The following POMGNT2 variants were observed in gnomAD, a reference collection of about 807,000 sequenced individuals.
POMGNT2 encodes protein O-linked-mannose beta-1,4-N-acetylglucosaminyltransferase 2.
POMGNT2 carries 32 observed loss-of-function variants against 37.8 expected under a neutral mutation model. That is an observed-to-expected ratio of 0.85 (90% confidence interval 0.64 to 1.14). The LOEUF is 1.14. Among genes scored for constraint, POMGNT2 ranks in the 50% most tolerant of loss-of-function variants. The probability of loss-of-function intolerance (pLI) is 0.00; values close to 1 mark genes in which losing one functional copy is unlikely to be tolerated. For missense variants in POMGNT2, 705 were observed against 780.6 expected (o/e 0.90, Z 1.15); for synonymous variants, 340 against 336.8 (o/e 1.01, Z -0.10).
In POMGNT2 at chr3:43,081,056, T is replaced by C; in HGVS notation, c.376A>G (p.Asn126Asp). 1 of 1,614,204 alleles carries C rather than the reference T, an allele frequency of 6.2e-7. No homozygotes were observed. Among genetic ancestry groups the C allele is most frequent in the Non-Finnish European group, 8.5e-7 (1 of 1,180,052 alleles). Residue 126 changes from asparagine to aspartate, a missense_variant, in exon 2 of 2, where the codon AAC (asparagine) becomes GAC (aspartate). Asn to Asp is a conservative substitution (Grantham distance 23, BLOSUM62 1). Coordinates refer to ENST00000344697, the MANE Select transcript of POMGNT2 (RefSeq NM_032806.6). ...TCCACGAAGTTGAAGTACTGAGTGT[T>C]GTGGTCCTCCACGGTGGATAGGTCG... Reference protein sequence around the residue: ...LLDLSTVEDHNTQYFNFVELP... With the variant: ...LLDLSTVEDHDTQYFNFVELP...
At chr3:43,095,555 G>A (rs2089973937) in intron 1 of POMGNT2, among the ~76,000 whole-genome samples, 1 of 152,212 alleles carries the variant, frequency 6.6e-6, no homozygotes, top group South Asian at 2.1e-4. Context: ...ACAGCTGCAT[G>A]CTTCAGTGCT....
rs913262678 is a variant in POMGNT2, at chr3:43,100,721, G to A, written c.-106+5115C>T. Among the ~76,000 whole-genome samples, 5 of 152,168 alleles carry A rather than the reference G, an allele frequency of 3.3e-5. No homozygotes were observed. The South Asian group carries it at 6.2e-4, about 19-fold the overall frequency. ...TGAAGCATGGTATCCAGTTATCACC[G>A]CTCTCTAGTCCCTTCCGATCTGGGG... is the stretch of plus-strand genomic sequence containing the variant. On this transcript the variant is annotated intron_variant, in intron 1 of 1. Coordinates refer to ENST00000344697, the MANE Select transcript of POMGNT2 (RefSeq NM_032806.6).
Position 43,096,325 on chromosome 3 carries a change from A to G in POMGNT2, c.-106+9511T>C, listed in dbSNP as rs571494886. On this transcript the variant is annotated intron_variant, in intron 1 of 1. Transcript: ENST00000344697. ...TAAATATGAACCCACTCTTACCTTG[A>G]AAAACACACTCAAAATCACCAGCCT... 1.1e-3 allele frequency among the ~76,000 whole-genome samples: 169 copies of G among 152,304 alleles called. 1 individual carries two copies. Among genetic ancestry groups the G allele is most frequent in the African/African-American group, 4.0e-3 (166 of 41,550 alleles).
chr3:43,081,069 G>C lies in POMGNT2; in HGVS notation c.363C>G (p.Thr121=), dbSNP rs200345083. 3 of 1,614,226 alleles carry C rather than the reference G, an allele frequency of 1.9e-6. No homozygotes were observed. Among genetic ancestry groups the C allele is most frequent in the Middle Eastern group, 1.6e-4 (1 of 6,062 alleles). The change falls in exon 2 of 2, where the codon ACC becomes ACG. Residue 121 remains threonine (T), a synonymous_variant. Transcript: ENST00000344697. ...AGTACTGAGTGTTGTGGTCCTCCAC[G>C]GTGGATAGGTCGAGCAGGGCTGGCT... ...RFQPALLDLS[T]VEDHNTQYFN...
Position 43,080,369 on chromosome 3 carries a change from G to A in POMGNT2, c.1063C>T (p.Leu355=), listed in dbSNP as rs1191240979. The change falls in exon 2 of 2, where the codon CTG becomes TTG. Residue 355 remains leucine, a synonymous_variant. Transcript: ENST00000344697. ...HGAQLVTTLF[L]PRGATVVELF... is the part of the protein sequence containing the mutation. Reference sequence around the variant, plus strand: ...TCTACCACAGTTGCCCCACGGGGCAGGAAGAGGGTGGTGACCAGCTGGGCC... The same window carrying A: ...TCTACCACAGTTGCCCCACGGGGCAAGAAGAGGGTGGTGACCAGCTGGGCC... The A allele has an allele frequency of 6.2e-7, 1 of 1,614,152 alleles. No homozygotes were observed. Among genetic ancestry groups the A allele is most frequent in the African/African-American group, 1.3e-5 (1 of 75,044 alleles).
intron 1 of POMGNT2, among the ~76,000 whole-genome samples, chr3:43,082,468 G>A (rs1430205667): frequency 6.6e-6 from 1 of 151,752 alleles, no homozygotes; most frequent in Non-Finnish European, 1.5e-5. Context: ...TGTGTACTGA[G>A]GCAAAAAAAA....
At chr3:43,101,436 T>C (rs535061186) in intron 1 of POMGNT2, among the ~76,000 whole-genome samples, 3 of 152,262 alleles carry the variant, frequency 2.0e-5, no homozygotes, top group East Asian at 1.9e-4. Context: ...ACAGCGGGGA[T>C]AGGGCTGGCC....
chr3:43,083,799 T>A (rs1345786436), intron 1 of POMGNT2, among the ~76,000 whole-genome samples: 1 of 152,240 alleles, frequency 6.6e-6, no homozygotes. Context: ...TTCACCCATA[T>A]TTTTACTCTT....
chr3:43,105,307 C>A (rs1049620575), intron 1 of POMGNT2, among the ~76,000 whole-genome samples: 3 of 152,196 alleles, frequency 2.0e-5, no homozygotes, highest in African/African-American at 7.2e-5. Context: ...CTCTTACCAC[C>A]GGACACACAT....
At position 43,081,411 on chromosome 3, in the gene POMGNT2, G is replaced by C. The variant is rs1575463445; in HGVS notation, c.21C>G (p.Phe7Leu). The change falls in exon 2 of 2, where the codon TTC becomes TTG. Residue 7 changes from phenylalanine (F) to leucine (L), a missense_variant. Physicochemically the swap from Phe to Leu is conservative, Grantham distance 22 (BLOSUM62 0). Coordinates refer to ENST00000344697, the MANE Select transcript of POMGNT2 (RefSeq NM_032806.6). MHLSAVFNALLVSVLAA... is the reference protein window; with the variant it reads MHLSAVLNALLVSVLAA... The stretch of plus-strand genomic sequence containing the variant: ...CCAGCACCGACACCAGGAGGGCGTT[G>C]AACACCGCCGAGAGGTGCATCCTAA... 1.9e-6 allele frequency: 3 copies of C among 1,584,234 alleles called. No individual in the cohort carries two copies. Among genetic ancestry groups the C allele is most frequent in the African/African-American group, 1.3e-5 (1 of 74,414 alleles).
chr3:43,080,979 G>A lies in POMGNT2; in HGVS notation c.453C>T (p.Asp151=), dbSNP rs547735064. 3.5e-5 allele frequency: 57 copies of A among 1,614,218 alleles called. No homozygotes were observed. Among genetic ancestry groups the A allele is most frequent in the African/African-American group, 1.2e-4 (9 of 75,060 alleles). ...TGAAGCGGTTGGCGATGAGGGCCAC[G>A]TCTGGCACGAACACCGGCTTGGGCA... The part of the protein sequence containing the change: ...RFMPKPVFVP[D]VALIANRFNP... The change falls in exon 2 of 2, where the codon GAC becomes GAT. Residue 151 remains aspartate (D), a synonymous_variant. Coordinates refer to ENST00000344697, the MANE Select transcript of POMGNT2 (RefSeq NM_032806.6).
In POMGNT2 at chr3:43,080,723, A is replaced by T; in HGVS notation, c.709T>A (p.Ser237Thr). 1.2e-6 allele frequency: 2 copies of T among 1,614,120 alleles called. No individual in the cohort carries two copies. The highest frequency in any genetic ancestry group is 1.7e-6 in the Non-Finnish European group (2 of 1,180,028). Residue 237 changes from serine (S) to threonine (T), a missense_variant, in exon 2 of 2, where the codon TCC (serine) becomes ACC (threonine). Coordinates refer to ENST00000344697, the MANE Select transcript of POMGNT2 (RefSeq NM_032806.6). The part of the protein sequence containing the change: ...LCFSHAFVGL[S>T]KITTWYQYGF... ...TACTGGTACCAGGTAGTGATCTTGG[A>T]GAGGCCCACAAAAGCATGGGAGAAG...
Position 43,080,192 on chromosome 3 carries a change from T to A in POMGNT2, c.1240A>T (p.Ile414Phe). The A allele has an allele frequency of 1.2e-6, 2 of 1,613,984 alleles. No individual in the cohort carries two copies. The highest frequency in any genetic ancestry group is 2.7e-5 in the African/African-American group (2 of 75,042). ...TGCTCAGCCCGGTCCAGATGGGTGA[T>A]GCCCCCCTGATCCCAGGGCCGCTCA... is the stretch of plus-strand genomic sequence containing the variant. ...HPERPWDQGGITHLDRAEQAR... is the reference protein window; with the variant it reads ...HPERPWDQGGFTHLDRAEQAR... Residue 414 changes from isoleucine to phenylalanine, a missense_variant, in exon 2 of 2, where the codon ATC (isoleucine) becomes TTC (phenylalanine). Physicochemically the swap from Ile to Phe is conservative, Grantham distance 21 (BLOSUM62 0). Coordinates refer to ENST00000344697, the MANE Select transcript of POMGNT2 (RefSeq NM_032806.6).
At chr3:43,103,412 C>CCCA (rs770382183) in intron 1 of POMGNT2, among the ~76,000 whole-genome samples, 1 of 152,164 alleles carries the variant, frequency 6.6e-6, no homozygotes, top group Non-Finnish European at 1.5e-5. Flanking sequence ...CTTCCCAGAT[C>CCCA]CCACCCAGCC....
chr3:43,090,937 A>C (rs1313689708), intron 1 of POMGNT2, among the ~76,000 whole-genome samples: 1 of 152,226 alleles, frequency 6.6e-6, no homozygotes, highest in African/African-American at 2.4e-5. Flanking sequence ...AACTATGTCA[A>C]GCACAGTTCA....
At position 43,079,576 on chromosome 3, in the gene POMGNT2, G is replaced by T; in HGVS notation, c.*113C>A. ...CCCAGAGACAACAAGATGATGTGGA[G>T]GCACAGGCCTGCTCAATAAATAGTT... On this transcript the variant is annotated 3_prime_UTR_variant, in exon 2 of 2. Coordinates refer to ENST00000344697, the MANE Select transcript of POMGNT2 (RefSeq NM_032806.6). The T allele has an allele frequency of 1.1e-6, 1 of 918,612 alleles. No homozygotes were observed. The highest frequency in any genetic ancestry group is 1.6e-6 in the Non-Finnish European group (1 of 611,942). 56.9% of individuals were successfully genotyped at this position (918,612 alleles called of 1,614,324 possible).
chr3:43,081,322 G>A lies in POMGNT2; in HGVS notation c.110C>T (p.Ala37Val), dbSNP rs1469939257. 3.1e-6 allele frequency: 5 copies of A among 1,611,460 alleles called. No individual in the cohort carries two copies. The highest frequency in any genetic ancestry group is 4.2e-6 in the Non-Finnish European group (5 of 1,180,002). The change falls in exon 2 of 2, where the codon GCC becomes GTC. Residue 37 changes from alanine (A) to valine (V), a missense_variant. Physicochemically the swap from Ala to Val is moderately conservative, Grantham distance 64. Transcript: ENST00000344697. ...EHAATLEEEL[A>V]LSRQATEPAP... is the part of the protein sequence containing the mutation. ...TGGCTCTGTGGCCTGTCGGCTGAGGGCCAGCTCCTCCTCCAGTGTGGCTGC... is the reference window on the plus strand; with the variant it reads ...TGGCTCTGTGGCCTGTCGGCTGAGGACCAGCTCCTCCTCCAGTGTGGCTGC...
At chr3:43,100,531 G>T (rs185685776) in intron 1 of POMGNT2, among the ~76,000 whole-genome samples, 41 of 152,290 alleles carry the variant, frequency 2.7e-4, no homozygotes, top group Admixed American at 9.8e-4. Context: ...ATAAGTTGAA[G>T]AAATCAGGCC....
At position 43,079,432 on chromosome 3, in the gene POMGNT2, C is replaced by G. The variant is rs568034497; in HGVS notation, c.*257G>C. The G allele has an allele frequency of 7.9e-5, 36 of 456,876 alleles. No homozygotes were observed. The highest frequency in any genetic ancestry group is 6.9e-4 in the African/African-American group (35 of 50,452). The allele number at this position is 456,876 out of a possible 1,614,324, so 28.3% of individuals were successfully genotyped here. ...GGTTCCTTGTGATTCTTTGCTTCCT[C>G]CTCTCCTCTTCCTCCTCCCTGCTAA... On this transcript the variant is annotated 3_prime_UTR_variant, in exon 2 of 2. Transcript: ENST00000344697.
Sources: allele counts gnomAD v4.1 joint callset (sites outside exome capture counted in the v4.1 genomes callset), GRCh38; gene constraint gnomAD v4.1.1; transcripts MANE v1.5; gene names NCBI Gene and HGNC (gene_info 2026-07-23, HGNC 2026-07-21).